Variants in PDE10A observed in about 807,000 individuals in gnomAD.
PDE10A encodes phosphodiesterase 10A.
Under a neutral mutation model 97.7 loss-of-function variants are expected in PDE10A, and 39 were observed. The observed-to-expected ratio is 0.40, with a 90% CI of 0.31 to 0.52. PDE10A has a LOEUF of 0.52. Among genes scored for constraint, PDE10A ranks in the 20% least tolerant of loss-of-function variants. The pLI is 0.56. For missense variants in PDE10A, 731 were observed against 1,047.8 expected, an observed-to-expected ratio of 0.70 and a Z score of 4.17; for synonymous variants, 371 against 376.8, an observed-to-expected ratio of 0.98 and a Z score of 0.18.
intron 1 of PDE10A, among the ~76,000 whole-genome samples, chr6:165,809,940 A>G (rs1005239752): frequency 2.0e-5 from 3 of 152,170 alleles, no homozygotes; most frequent in African/African-American, 7.2e-5. Flanking sequence ...TCCTTGTATG[A>G]TAAATTCGCT....
At chr6:165,927,943 C>T (rs1293025599) in intron 1 of PDE10A, among the ~76,000 whole-genome samples, 3 of 150,722 alleles carry the variant, frequency 2.0e-5, no homozygotes, top group Non-Finnish European at 4.4e-5. Context: ...GTGATCTGCG[C>T]ACCCTCGCCT....
At chr6:165,980,450 T>A (rs1439601562) in intron 1 of PDE10A, among the ~76,000 whole-genome samples, 1 of 152,178 alleles carries the variant, frequency 6.6e-6, no homozygotes, top group East Asian at 1.9e-4. Flanking sequence ...TTCAATAGGG[T>A]TTAGTTAAAT....
At chr6:165,573,773 A>T (rs1398753673) in intron 1 of PDE10A, among the ~76,000 whole-genome samples, 1 of 152,250 alleles carries the variant, frequency 6.6e-6, no homozygotes, top group Non-Finnish European at 1.5e-5. Flanking sequence ...CAATAAAAAA[A>T]AAATACCTCA....
At chr6:165,363,833 T>G (rs1783590406) in intron 18 of PDE10A, among the ~76,000 whole-genome samples, 1 of 152,122 alleles carries the variant, frequency 6.6e-6, no homozygotes, top group East Asian at 1.9e-4. Context: ...GTACAAAATA[T>G]GGACTTGAAA....
chr6:165,405,876 C>T (rs1380604474), intron 13 of PDE10A, among the ~76,000 whole-genome samples: 1 of 152,252 alleles, frequency 6.6e-6, no homozygotes, highest in African/African-American at 2.4e-5. Context: ...TCAAATAAAA[C>T]TGGAAAATTG....
chr6:165,483,607 G>A (rs1330694734), intron 2 of PDE10A, among the ~76,000 whole-genome samples: 2 of 152,212 alleles, frequency 1.3e-5, no homozygotes, highest in Non-Finnish European at 2.9e-5. Flanking sequence ...AGAGGCATAT[G>A]TGCTTTTAAT....
intron 1 of PDE10A, among the ~76,000 whole-genome samples, chr6:165,692,461 G>T (rs1403534646): frequency 6.6e-6 from 1 of 152,102 alleles, no homozygotes; most frequent in East Asian, 1.9e-4. Flanking sequence ...GCTTGTTCTG[G>T]CAGCGCTGGG....
intron 2 of PDE10A, among the ~76,000 whole-genome samples, chr6:165,485,209 C>T (rs568376471): frequency 3.3e-5 from 5 of 152,224 alleles, no homozygotes; most frequent in South Asian, 4.2e-4. Context: ...CGGTGGCTCA[C>T]GCCTGTAATC....
intron 1 of PDE10A, among the ~76,000 whole-genome samples, chr6:165,806,342 C>T (rs1330879134): frequency 6.6e-6 from 1 of 152,210 alleles, no homozygotes; most frequent in Admixed American, 6.5e-5. Flanking sequence ...CCGCGTTCTC[C>T]ATCATGTAGG....
chr6:165,709,808 T>A (rs1386256177), intron 1 of PDE10A, among the ~76,000 whole-genome samples: 1 of 149,268 alleles, frequency 6.7e-6, no homozygotes, highest in Non-Finnish European at 1.5e-5. Flanking sequence ...AGCCTCGCTG[T>A]CCTGCGGTCC....
chr6:165,363,920 T>C (rs2128194773), intron 18 of PDE10A, among the ~76,000 whole-genome samples: 1 of 152,256 alleles, frequency 6.6e-6, no homozygotes, highest in African/African-American at 2.4e-5. Context: ...AGACTTAATA[T>C]TGTTAAGACG....
At chr6:165,585,080 A>G (rs1785829976) in intron 1 of PDE10A, among the ~76,000 whole-genome samples, 1 of 152,226 alleles carries the variant, frequency 6.6e-6, no homozygotes, top group African/African-American at 2.4e-5. Context: ...TGCATGAATA[A>G]CATTGAACTT....
chr6:165,607,081 A>C (rs754614423), intron 1 of PDE10A, among the ~76,000 whole-genome samples: 9 of 152,184 alleles, frequency 5.9e-5, no homozygotes, highest in Non-Finnish European at 1.2e-4. Flanking sequence ...TTTCGTTAAA[A>C]ATGCTTTCAG....
intron 5 of PDE10A, among the ~76,000 whole-genome samples, chr6:165,445,207 C>T (rs1485160721): frequency 1.3e-5 from 2 of 152,174 alleles, no homozygotes; most frequent in Non-Finnish European, 2.9e-5. Flanking sequence ...GCCAGCGATA[C>T]AGCAGATTAG....
chr6:165,542,658 G>A (rs1378633562), intron 2 of PDE10A, among the ~76,000 whole-genome samples: 1 of 104,684 alleles, frequency 9.6e-6, no homozygotes, highest in African/African-American at 3.6e-5. Context: ...TTGCTCTGTT[G>A]CCCAGGCTGG....
chr6:165,442,852 C>A (rs971104847), intron 5 of PDE10A, among the ~76,000 whole-genome samples: 53 of 152,204 alleles, frequency 3.5e-4, no homozygotes, highest in African/African-American at 1.2e-3. Context: ...GGCATGGTGG[C>A]TCACGCTTGT....
intron 2 of PDE10A, among the ~76,000 whole-genome samples, chr6:165,506,666 G>A (rs757740664): frequency 2.5e-4 from 38 of 152,140 alleles, no homozygotes; most frequent in Non-Finnish European, 5.1e-4. Context: ...GCTTTGCCTT[G>A]ACACTTGGTT....
At chr6:165,761,184 T>C (rs1213353402) in intron 1 of PDE10A, among the ~76,000 whole-genome samples, 1 of 152,172 alleles carries the variant, frequency 6.6e-6, no homozygotes, top group African/African-American at 2.4e-5. Context: ...CCCAATAAAC[T>C]CCATTTTTCT....
chr6:165,397,594 T>C (rs1385163908), intron 13 of PDE10A, among the ~76,000 whole-genome samples: 3 of 149,554 alleles, frequency 2.0e-5, no homozygotes, highest in Non-Finnish European at 4.4e-5. Context: ...CTCAGCTACT[T>C]GGGAGGCTGA....
Sources: gnomAD v4.1 joint callset for allele counts (sites outside exome capture counted in the v4.1 genomes callset) on GRCh38, gnomAD v4.1.1 for gene constraint, MANE v1.5 for transcripts, NCBI Gene and HGNC (gene_info 2026-07-23, HGNC 2026-07-21) for gene names.